The following SYT1 variants were observed in gnomAD, a reference collection of about 807,000 sequenced individuals.
The protein encoded by SYT1 is synaptotagmin 1.
SYT1 carries 8 observed loss-of-function variants against 44.8 expected under a neutral mutation model. The observed-to-expected ratio is 0.18, with a 90% CI of 0.10 to 0.32. The LOEUF (loss-of-function observed/expected upper bound fraction) is 0.32, where lower values mean the gene tolerates loss of function less well. Ranked by LOEUF, SYT1 falls within the 10% of genes least tolerant of loss-of-function variation. SYT1 has a pLI of 1.00. For synonymous variants in SYT1, 154 were observed against 188.8 expected (o/e 0.82, Z 1.51); for missense variants, 286 against 509.3 (o/e 0.56, Z 4.22).
chr12:79,254,639 G>C (rs1245831), intron 4 of SYT1, among the ~76,000 whole-genome samples: 117,142 of 152,128 alleles, frequency 0.77, 46,111 homozygotes, highest in African/African-American at 0.94. Context: ...TGCAGCTGAG[G>C]AAAGTAAACT....
At chr12:79,430,528 G>A (rs1014952046) in intron 9 of SYT1, among the ~76,000 whole-genome samples, 48 of 152,204 alleles carry the variant, frequency 3.2e-4, no homozygotes, top group African/African-American at 1.1e-3. Context: ...GCTCATGCCT[G>A]TAATCCCAGG....
At chr12:79,152,485 G>A (rs191076677) in intron 3 of SYT1, among the ~76,000 whole-genome samples, 2 of 152,162 alleles carry the variant, frequency 1.3e-5, no homozygotes, top group Admixed American at 1.3e-4. Flanking sequence ...GGAGATTGTT[G>A]TTTGTTTGCC....
chr12:79,307,470 A>G (rs1250344802), intron 8 of SYT1, among the ~76,000 whole-genome samples: 2 of 152,220 alleles, frequency 1.3e-5, no homozygotes, highest in African/African-American at 4.8e-5. Context: ...TGAATAAGAT[A>G]GACCCCCACG....
At chr12:79,129,710 T>C (rs1868681984) in intron 3 of SYT1, among the ~76,000 whole-genome samples, 1 of 152,162 alleles carries the variant, frequency 6.6e-6, no homozygotes, top group African/African-American at 2.4e-5. Flanking sequence ...GAGTTAAATT[T>C]TGCATTTTAA....
intron 9 of SYT1, among the ~76,000 whole-genome samples, chr12:79,411,443 G>A (rs551887857): frequency 1.1e-4 from 17 of 152,156 alleles, no homozygotes; most frequent in Non-Finnish European, 2.2e-4. Context: ...AAGGGAAGGA[G>A]GTGAAATGGG....
chr12:79,447,926 A>G (rs1056101208), intron 10 of SYT1, among the ~76,000 whole-genome samples: 2 of 152,212 alleles, frequency 1.3e-5, no homozygotes, highest in South Asian at 4.1e-4. Flanking sequence ...CCTAGCTTTT[A>G]TAATTACATT....
intron 3 of SYT1, among the ~76,000 whole-genome samples, chr12:79,144,324 A>C (rs1032695450): frequency 1.3e-5 from 2 of 152,230 alleles, no homozygotes; most frequent in Non-Finnish European, 2.9e-5. Context: ...GTTCTTTAAA[A>C]TATAATAGAG....
At chr12:78,888,520 T>A (rs762161609) in intron 1 of SYT1, among the ~76,000 whole-genome samples, 5 of 151,948 alleles carry the variant, frequency 3.3e-5, no homozygotes, top group Non-Finnish European at 5.9e-5. Flanking sequence ...TAGCAACATA[T>A]TTAGAATTAA....
chr12:79,094,378 G>T (rs1168189804), intron 3 of SYT1, among the ~76,000 whole-genome samples: 1 of 151,784 alleles, frequency 6.6e-6, no homozygotes, highest in African/African-American at 2.4e-5. Context: ...ATTTCTAGCA[G>T]TTTTAAAAGT....
At chr12:79,025,671 A>G (rs530955080) in intron 2 of SYT1, among the ~76,000 whole-genome samples, 1 of 151,640 alleles carries the variant, frequency 6.6e-6, no homozygotes, top group African/African-American at 2.4e-5. Flanking sequence ...TATTTCTTCT[A>G]TACATATGTA....
intron 3 of SYT1, among the ~76,000 whole-genome samples, chr12:79,099,400 G>A (rs1878321441): frequency 6.6e-6 from 1 of 152,030 alleles, no homozygotes; most frequent in African/African-American, 2.4e-5. Flanking sequence ...ACATATGCCT[G>A]GTTAATGTTA....
At chr12:79,072,732 A>G (rs1290078595) in intron 3 of SYT1, among the ~76,000 whole-genome samples, 1 of 152,140 alleles carries the variant, frequency 6.6e-6, no homozygotes, top group Non-Finnish European at 1.5e-5. Flanking sequence ...ACAAGATGAG[A>G]ATTAAGGATG....
intron 9 of SYT1, among the ~76,000 whole-genome samples, chr12:79,408,181 A>G (rs1420531884): frequency 6.6e-6 from 1 of 152,110 alleles, no homozygotes; most frequent in East Asian, 1.9e-4. Context: ...AACAGAGGGG[A>G]TTTCCTATTG....
chr12:79,126,714 A>G lies in SYT1; in HGVS notation c.-18+79352A>G, dbSNP rs539464171. Among the ~76,000 whole-genome samples the G allele has an allele frequency of 2.0e-5, 3 of 152,294 alleles. No individual in the cohort carries two copies. In the South Asian group the frequency reaches 6.2e-4, roughly 32 times the overall value. ...TAGTAAGAATTATTTTCAGACCTACAATAAGACAGTGTCCTAGATGTCCTG... is the reference window on the plus strand; with the variant it reads ...TAGTAAGAATTATTTTCAGACCTACGATAAGACAGTGTCCTAGATGTCCTG... On this transcript the variant is annotated intron_variant, in intron 3 of 10. Coordinates refer to ENST00000261205, the MANE Select transcript of SYT1 (RefSeq NM_005639.3).
chr12:79,182,739 T>G (rs1872611312), intron 3 of SYT1, among the ~76,000 whole-genome samples: 1 of 152,094 alleles, frequency 6.6e-6, no homozygotes, highest in African/African-American at 2.4e-5. Context: ...TGAAAAGATT[T>G]TCTTTCAATC....
Position 79,451,613 on chromosome 12 carries a change from C to T in SYT1, c.*2489C>T, listed in dbSNP as rs1871062526. ...AATTAGTTGGTACTATGCCATCTTT[C>T]ACTCTTTCACAAGTCAGTGATGGAA... is the stretch of plus-strand genomic sequence containing the variant. On this transcript the variant is annotated 3_prime_UTR_variant, in exon 11 of 11. Coordinates refer to ENST00000261205, the MANE Select transcript of SYT1 (RefSeq NM_005639.3). 1 of 152,212 alleles carries T rather than the reference C, an allele frequency of 6.6e-6. No individual in the cohort carries two copies. Among genetic ancestry groups the T allele is most frequent in the Admixed American group, 6.5e-5 (1 of 15,286 alleles). 9.4% of individuals were successfully genotyped at this position (152,212 alleles called of 1,614,324 possible).
chr12:79,438,467 A>G (rs922940604), intron 9 of SYT1, among the ~76,000 whole-genome samples: 6 of 152,206 alleles, frequency 3.9e-5, no homozygotes, highest in African/African-American at 1.2e-4. Flanking sequence ...ACCAATTAAT[A>G]TGAGAGATCT....
At chr12:79,208,397 T>C (rs1874249982) in intron 3 of SYT1, among the ~76,000 whole-genome samples, 1 of 152,188 alleles carries the variant, frequency 6.6e-6, no homozygotes, top group South Asian at 2.1e-4. Context: ...TTACATCAAG[T>C]CTTTAGTACA....
In SYT1 at chr12:79,039,788, A is replaced by G. The variant is rs1005733276; in HGVS notation, c.-83-7509A>G. The stretch of plus-strand genomic sequence containing the variant: ...CCCTTCCCCCTCCCCCCACCCAACA[A>G]CAGTCCCCAGAGTGTGATATTCCCC... On this transcript the variant is annotated intron_variant, in intron 2 of 10. Transcript: ENST00000261205. Among the ~76,000 whole-genome samples the G allele has an allele frequency of 4.8e-5, 5 of 103,750 alleles. No homozygotes were observed. In the South Asian group the frequency reaches 1.1e-3, roughly 24 times the overall value. The allele number at this position is 103,750 out of a possible 152,430, so 68.1% of individuals were successfully genotyped here.
Sources: gnomAD v4.1 joint callset for allele counts (sites outside exome capture counted in the v4.1 genomes callset) on GRCh38, gnomAD v4.1.1 for gene constraint, MANE v1.5 for transcripts, NCBI Gene and HGNC (gene_info 2026-07-23, HGNC 2026-07-21) for gene names.